MACROD2: variants seen among roughly 807,000 people sequenced by gnomAD.
The protein encoded by MACROD2 is ADP-ribose glycohydrolase MACROD2.
A neutral mutation model predicts 70.4 loss-of-function variants in MACROD2; 36 were observed. That is an observed-to-expected ratio of 0.51 (90% CI 0.39 to 0.68). The LOEUF (loss-of-function observed/expected upper bound fraction) is 0.68, where lower values mean the gene tolerates loss of function less well. MACROD2 is among the 30% of genes least tolerant of loss of function. The pLI is 0.00. For synonymous variants in MACROD2, 172 were observed against 178.8 expected (o/e 0.96, Z 0.30); for missense variants, 496 against 538.4 (o/e 0.92, Z 0.78).
chr20:15,992,679 C>T (rs2147483018), intron 15 of MACROD2, among the ~76,000 whole-genome samples: 1 of 152,336 alleles, frequency 6.6e-6, no homozygotes, highest in Middle Eastern at 3.4e-3. Flanking sequence ...CTTGCACTTC[C>T]TAACACTCCA....
chr20:14,734,052 G>A (rs999343708), intron 5 of MACROD2, among the ~76,000 whole-genome samples: 5 of 152,066 alleles, frequency 3.3e-5, no homozygotes, highest in Non-Finnish European at 5.9e-5. Context: ...TGATTTCAAA[G>A]AGTTATTATT....
intron 4 of MACROD2, among the ~76,000 whole-genome samples, chr20:14,674,768 G>C (rs890998993): frequency 1.3e-5 from 2 of 152,128 alleles, no homozygotes; most frequent in Non-Finnish European, 2.9e-5. Context: ...TTTGTGCAAG[G>C]TAGTTGTTTA....
At chr20:14,820,357 C>CTTTTTT (rs11475238) in intron 5 of MACROD2, among the ~76,000 whole-genome samples, 28 of 116,128 alleles carry the variant, frequency 2.4e-4, no homozygotes, top group African/African-American at 3.9e-4. Context: ...ATTTTTCTTC[C>CTTTTTT]TTTTTTTTTT....
intron 3 of MACROD2, among the ~76,000 whole-genome samples, chr20:14,457,514 C>A (rs1417097270): frequency 1.3e-5 from 2 of 152,114 alleles, no homozygotes; most frequent in Non-Finnish European, 2.9e-5. Flanking sequence ...TATTTAGATT[C>A]TATCCGTTTA....
chr20:14,965,298 G>A (rs1179325411), intron 5 of MACROD2, among the ~76,000 whole-genome samples: 1 of 151,896 alleles, frequency 6.6e-6, no homozygotes, highest in African/African-American at 2.4e-5. Context: ...ACAATATTCT[G>A]AAACTAGTTG....
chr20:14,137,006 A>T (rs2054806749), intron 3 of MACROD2, among the ~76,000 whole-genome samples: 1 of 152,152 alleles, frequency 6.6e-6, no homozygotes, highest in South Asian at 2.1e-4. Context: ...CTTGAAACAT[A>T]GCTATTATGC....
At chr20:14,044,076 C>T (rs914267552) in intron 2 of MACROD2, among the ~76,000 whole-genome samples, 3 of 152,220 alleles carry the variant, frequency 2.0e-5, no homozygotes, top group African/African-American at 4.8e-5. Flanking sequence ...CACAGACCCT[C>T]GCGGTGAGTG....
intron 5 of MACROD2, among the ~76,000 whole-genome samples, chr20:15,008,205 G>C (rs890890899): frequency 6.6e-6 from 1 of 152,082 alleles, no homozygotes; most frequent in African/African-American, 2.4e-5. Context: ...AAATGGGCAG[G>C]CTTAGTGGCT....
intron 3 of MACROD2, among the ~76,000 whole-genome samples, chr20:14,434,519 T>C (rs2084033353): frequency 6.6e-6 from 1 of 152,114 alleles, no homozygotes; most frequent in Admixed American, 6.6e-5. Context: ...GTTTAAATTC[T>C]CTCATCCAGC....
rs150300919 is a variant in MACROD2 at position 15,862,220 on chromosome 20, C to T, written c.646-525C>T. On this transcript the variant is annotated intron_variant, in intron 8 of 17. Transcript: ENST00000684519. Reference sequence around the variant, plus strand: ...TTACTTTTTATTTCTGTTGCATTTCCAAGTGTGTTAAATTAAAGCAAGTGG... The same window carrying T: ...TTACTTTTTATTTCTGTTGCATTTCTAAGTGTGTTAAATTAAAGCAAGTGG... 1.8e-4 allele frequency among the ~76,000 whole-genome samples: 28 copies of T among 152,304 alleles called. No homozygotes were observed. The East Asian group carries it at 3.9e-3, about 21-fold the overall frequency.
chr20:14,977,692 C>A (rs985768045), intron 5 of MACROD2, among the ~76,000 whole-genome samples: 4 of 151,820 alleles, frequency 2.6e-5, no homozygotes, highest in Non-Finnish European at 5.9e-5. Context: ...ACACTGTGAA[C>A]AACAATGAAC....
chr20:15,956,101 A>G (rs1006321950), intron 12 of MACROD2, among the ~76,000 whole-genome samples: 9 of 152,212 alleles, frequency 5.9e-5, no homozygotes, highest in Non-Finnish European at 7.4e-5. Context: ...CACGTCACAA[A>G]TACTCACTAG....
intron 5 of MACROD2, among the ~76,000 whole-genome samples, chr20:14,919,922 A>G (rs1007643637): frequency 2.6e-5 from 4 of 152,156 alleles, no homozygotes; most frequent in African/African-American, 4.8e-5. Flanking sequence ...AGCAACTCCT[A>G]TGAGCAATCA....
intron 13 of MACROD2, among the ~76,000 whole-genome samples, chr20:15,968,987 GGCATTTGCT>G (rs2066188231): frequency 6.6e-6 from 1 of 151,716 alleles, no homozygotes; most frequent in Non-Finnish European, 1.5e-5. Context: ...TTTACCTTAG[GGCATTTGCT>G]GATTCTACAG....
intron 3 of MACROD2, among the ~76,000 whole-genome samples, chr20:14,097,340 A>G (rs185630594): frequency 1.3e-5 from 2 of 152,342 alleles, no homozygotes; most frequent in African/African-American, 4.8e-5. Flanking sequence ...ATCACAGAAA[A>G]ATATTTTGGA....
intron 6 of MACROD2, among the ~76,000 whole-genome samples, chr20:15,316,226 A>G (rs1209837379): frequency 1.3e-5 from 2 of 152,020 alleles, no homozygotes; most frequent in African/African-American, 4.8e-5. Context: ...CCTTATCAGT[A>G]ATTATTTTAA....
intron 4 of MACROD2, among the ~76,000 whole-genome samples, chr20:14,621,390 T>A (rs780745742): frequency 6.6e-6 from 1 of 152,090 alleles, no homozygotes; most frequent in East Asian, 1.9e-4. Flanking sequence ...AGGGTAATCA[T>A]CATTATGAAG....
intron 2 of MACROD2, among the ~76,000 whole-genome samples, chr20:14,029,673 G>T (rs930851591): frequency 2.0e-5 from 3 of 152,164 alleles, no homozygotes; most frequent in Non-Finnish European, 4.4e-5. Flanking sequence ...ATTCAGAGAG[G>T]TTCTAGATAC....
At chr20:14,179,342 C>T (rs911030177) in intron 3 of MACROD2, among the ~76,000 whole-genome samples, 4 of 152,140 alleles carry the variant, frequency 2.6e-5, no homozygotes, top group Admixed American at 2.6e-4. Context: ...AGTATTGCAA[C>T]TACATAGTGT....
Sources: gnomAD v4.1 joint callset for allele counts (sites outside exome capture counted in the v4.1 genomes callset) on GRCh38, gnomAD v4.1.1 for gene constraint, MANE v1.5 for transcripts, NCBI Gene and HGNC (gene_info 2026-07-23, HGNC 2026-07-21) for gene names.